The following HNRNPC variants were observed in gnomAD, a reference collection of about 807,000 sequenced individuals.
The protein encoded by HNRNPC is heterogeneous nuclear ribonucleoprotein C, also known as heterogeneous nuclear ribonucleoproteins C1/C2.
A neutral mutation model predicts 33.2 loss-of-function variants in HNRNPC; 3 were observed. The ratio of observed to expected loss-of-function variants is 0.09; its 90% CI spans 0.04 to 0.23. The LOEUF is 0.23. Ranked by LOEUF, HNRNPC falls within the 10% of genes least tolerant of loss-of-function variation. HNRNPC has a pLI of 1.00. For synonymous variants in HNRNPC, 121 were observed against 126.7 expected (o/e 0.96, Z 0.30); for missense variants, 143 against 366.7 (o/e 0.39, Z 4.98).
intron 5 of HNRNPC, among the ~76,000 whole-genome samples, chr14:21,225,593 C>G (rs1186233211): frequency 6.6e-6 from 1 of 152,084 alleles, no homozygotes; most frequent in African/African-American, 2.4e-5. Flanking sequence ...CCTTTTGAGG[C>G]TGGTAGCACC....
intron 5 of HNRNPC, among the ~76,000 whole-genome samples, chr14:21,225,920 T>A (rs142176936): frequency 6.6e-6 from 1 of 152,138 alleles, no homozygotes; most frequent in Non-Finnish European, 1.5e-5. Context: ...AGTTTATATC[T>A]AGATATAGTT....
chr14:21,234,267 TA>T, intron 2 of HNRNPC, 38 bp from the exon 3 acceptor site: 4 of 1,512,698 alleles, frequency 2.6e-6, no homozygotes, highest in Non-Finnish European at 2.7e-6. Context: ...GAACAGATGC[TA>T]AAAACAATAT....
intron 2 of HNRNPC, among the ~76,000 whole-genome samples, chr14:21,256,711 C>T (rs1323787387): frequency 6.6e-6 from 1 of 151,620 alleles, no homozygotes; most frequent in Non-Finnish European, 1.5e-5. Flanking sequence ...TGCAATGGTG[C>T]GGGTGCGATC....
At chr14:21,231,311 G>A (rs954258031) in intron 3 of HNRNPC, 10 of 613,460 alleles carry the variant, frequency 1.6e-5, no homozygotes, top group South Asian at 3.0e-5. Context: ...TACAAACTAC[G>A]AAGTTTAGAA....
intron 5 of HNRNPC, among the ~76,000 whole-genome samples, chr14:21,217,739 T>C (rs998120731): frequency 2.6e-5 from 4 of 152,226 alleles, no homozygotes; most frequent in African/African-American, 9.7e-5. Flanking sequence ...TCTAAGCCAT[T>C]TGATTGAAAA....
At chr14:21,234,266 C>T (rs1566617152) in intron 2 of HNRNPC, 37 bp from the exon 3 acceptor site, 1 of 1,519,380 alleles carries the variant, frequency 6.6e-7, no homozygotes, top group Non-Finnish European at 9.0e-7. Context: ...TGAACAGATG[C>T]TAAAAACAAT....
chr14:21,209,889 C>T lies in HNRNPC; in HGVS notation c.*1334G>A, dbSNP rs989860797. Reference sequence around the variant, plus strand: ...GTAGCTGTTTAATATATTCATCTTACAACTGGATGCTAAAAATGCAATCAC... The same window carrying T: ...GTAGCTGTTTAATATATTCATCTTATAACTGGATGCTAAAAATGCAATCAC... On this transcript the variant is annotated 3_prime_UTR_variant, in exon 9 of 9. Transcript: ENST00000553300. The T allele has an allele frequency of 6.6e-6, 1 of 152,172 alleles. No homozygotes were observed. The highest frequency in any genetic ancestry group is 6.5e-5 in the Admixed American group (1 of 15,272). The allele number at this position is 152,172 out of a possible 1,614,324, so 9.4% of individuals were successfully genotyped here.
At chr14:21,216,371 T>C (rs770261983) in intron 5 of HNRNPC, among the ~76,000 whole-genome samples, 1 of 152,174 alleles carries the variant, frequency 6.6e-6, no homozygotes, top group South Asian at 2.1e-4. Context: ...GACCATTTAA[T>C]GGACCACAGC....
At chr14:21,230,684 T>C in intron 4 of HNRNPC, 1 of 480,682 alleles carries the variant, frequency 2.1e-6, no homozygotes, top group Non-Finnish European at 3.7e-6. Flanking sequence ...TACTCTCTAG[T>C]GTCTTAGAAG....
At chr14:21,221,981 G>A (rs1310240547) in intron 5 of HNRNPC, among the ~76,000 whole-genome samples, 5 of 134,868 alleles carry the variant, frequency 3.7e-5, no homozygotes, top group African/African-American at 8.4e-5. Flanking sequence ...CTCAGGAGAC[G>A]GGGCTCTTGA....
intron 2 of HNRNPC, among the ~76,000 whole-genome samples, chr14:21,249,780 A>G (rs772817210): frequency 6.6e-5 from 10 of 152,066 alleles, no homozygotes; most frequent in Non-Finnish European, 1.2e-4. Context: ...GTTACGACAT[A>G]AAAGTCCATC....
At chr14:21,266,771 TAAG>T (rs1879049183) in intron 1 of HNRNPC, among the ~76,000 whole-genome samples, 1 of 151,476 alleles carries the variant, frequency 6.6e-6, no homozygotes, top group South Asian at 2.1e-4. Context: ...ATAATGTGGT[TAAG>T]AATAGTAATA....
intron 2 of HNRNPC, among the ~76,000 whole-genome samples, chr14:21,253,469 A>C (rs1896887366): frequency 2.1e-5 from 3 of 146,296 alleles, no homozygotes. Flanking sequence ...CTCAAAAAAA[A>C]AAAAAAAAAA....
chr14:21,265,188 T>A (rs1027873140), intron 1 of HNRNPC: 1 of 152,214 alleles, frequency 6.6e-6, no homozygotes, highest in African/African-American at 2.4e-5. Flanking sequence ...GGAAAAAGTT[T>A]GTGAAGAATT....
intron 2 of HNRNPC, among the ~76,000 whole-genome samples, chr14:21,238,160 G>A (rs1894932340): frequency 6.6e-6 from 1 of 152,076 alleles, no homozygotes; most frequent in Non-Finnish European, 1.5e-5. Flanking sequence ...TTTGCTTTTT[G>A]CCTCATACAG....
intron 3 of HNRNPC, among the ~76,000 whole-genome samples, chr14:21,231,783 C>G (rs902276582): frequency 6.6e-6 from 1 of 152,206 alleles, no homozygotes; most frequent in Non-Finnish European, 1.5e-5. Context: ...AAGGTACTGA[C>G]TGTTCACTCA....
chr14:21,227,997 A>C lies in HNRNPC; in HGVS notation c.365+2322T>G, dbSNP rs372155617. On this transcript the variant is annotated intron_variant, in intron 5 of 8. Transcript: ENST00000553300. ...TGATTCTCAACTCTGACTGGACAAAAGAACACATAGAAAGCACTGAAAAAT... is the reference window on the plus strand; with the variant it reads ...TGATTCTCAACTCTGACTGGACAAACGAACACATAGAAAGCACTGAAAAAT... Among the ~76,000 whole-genome samples the C allele has an allele frequency of 5.3e-5, 8 of 152,342 alleles. No individual in the cohort carries two copies. The East Asian group carries it at 1.3e-3, about 26-fold the overall frequency.
rs980207349 is a variant in HNRNPC at position 21,213,302 on chromosome 14, C to T, written c.366-185G>A. ...GAAATCTTATCCCATTATTTCTTTA[C>T]CTAGGCACATAAAATAGTTGTAATA... is the stretch of plus-strand genomic sequence containing the variant. On this transcript the variant is annotated intron_variant, in intron 5 of 8. Transcript: ENST00000553300. The T allele has an allele frequency of 4.3e-5, 25 of 585,792 alleles. No individual in the cohort carries two copies. In the African/African-American group the frequency reaches 4.7e-4, roughly 11 times the overall value. The allele number at this position is 585,792 out of a possible 1,614,324, so 36.3% of individuals were successfully genotyped here.
At chr14:21,219,063 C>A (rs1156554362) in intron 5 of HNRNPC, among the ~76,000 whole-genome samples, 3 of 148,590 alleles carry the variant, frequency 2.0e-5, no homozygotes, top group Non-Finnish European at 4.5e-5. Flanking sequence ...TAAGCCAAGA[C>A]CGCACCACTG....
Sources: allele counts gnomAD v4.1 joint callset (sites outside exome capture counted in the v4.1 genomes callset), GRCh38; gene constraint gnomAD v4.1.1; transcripts MANE v1.5; gene names NCBI Gene and HGNC (gene_info 2026-07-23, HGNC 2026-07-21).